TWF1: variants seen among roughly 807,000 people sequenced by gnomAD.
TWF1 encodes twinfilin-1.
Under a neutral mutation model 47.9 loss-of-function variants are expected in TWF1, and 14 were observed. The ratio of observed to expected loss-of-function variants is 0.29; its 90% CI spans 0.19 to 0.46. The LOEUF is 0.46. Among genes scored for constraint, TWF1 ranks in the 20% least tolerant of loss-of-function variants. The pLI is 1.00. For missense variants in TWF1, 281 were observed against 409.3 expected (o/e 0.69, Z 2.70); for synonymous variants, 96 against 139.2 (o/e 0.69, Z 2.18).
intron 2 of TWF1, chr12:43,804,223 T>C (rs970443707): frequency 6.2e-6 from 3 of 481,444 alleles, no homozygotes; most frequent in Non-Finnish European, 1.2e-5. Context: ...ACATTAGAAA[T>C]GGACTGTGGT....
intron 1 of TWF1, chr12:43,805,466 G>C (rs1052208577): frequency 4.5e-6 from 2 of 447,232 alleles, no homozygotes; most frequent in African/African-American, 2.0e-5. Flanking sequence ...ACTAGAACTC[G>C]TTAAGTGATC....
Position 43,802,269 on chromosome 12 carries a change from A to G in TWF1, c.282+17T>C, listed in dbSNP as rs773410681. 2.7e-6 allele frequency: 4 copies of G among 1,491,084 alleles called. No individual in the cohort carries two copies. In the Admixed American group the frequency reaches 1.0e-4, roughly 37 times the overall value. The allele number at this position is 1,491,084 out of a possible 1,614,324, so 92.4% of individuals were successfully genotyped here. A position where few individuals can be genotyped will look rare whatever the true frequency, so the allele number is the denominator to read the frequency against. On this transcript the variant is annotated intron_variant, in intron 3 of 8. Transcript: ENST00000395510. ...TCTAGCATTTAATGTTAAACAAACTATAAAAAAGTTACTTACATGAGAATG... is the reference window on the plus strand; with the variant it reads ...TCTAGCATTTAATGTTAAACAAACTGTAAAAAAGTTACTTACATGAGAATG...
chr12:43,797,700 T>C lies in TWF1; in HGVS notation c.609+8A>G. 6.2e-7 allele frequency: 1 copy of C among 1,610,996 alleles called. No homozygotes were observed. The highest frequency in any genetic ancestry group is 8.5e-7 in the Non-Finnish European group (1 of 1,179,184). The stretch of plus-strand genomic sequence containing the variant: ...GCAGCCACTTAATAATCATTATACA[T>C]CTCTTACCAACTGCACATAGTTGAG... On this transcript the variant is annotated splice_region_variant and intron_variant, in intron 6 of 8. Transcript: ENST00000395510.
chr12:43,801,373 T>C (rs1942658768), intron 3 of TWF1, among the ~76,000 whole-genome samples: 1 of 152,204 alleles, frequency 6.6e-6, no homozygotes, highest in South Asian at 2.1e-4. Context: ...AAACCCAGTA[T>C]TTCTTTCAGA....
chr12:43,805,769 G>T, intron 1 of TWF1: 1 of 1,344,116 alleles, frequency 7.4e-7, no homozygotes, highest in Non-Finnish European at 9.9e-7. Context: ...ATTCTGGCAT[G>T]GTTCTTTTTG....
chr12:43,799,356 A>C (rs753263312), intron 5 of TWF1, 42 bp downstream of exon 5: 2 of 1,316,682 alleles, frequency 1.5e-6, no homozygotes, highest in South Asian at 2.6e-5. Context: ...CAGTATTTTC[A>C]AACACTTAAA....
rs1416161998 is a variant in TWF1, at chr12:43,794,693, T to C, written c.*892A>G. 6.6e-6 allele frequency: 1 copy of C among 151,934 alleles called. No homozygotes were observed. Among genetic ancestry groups the C allele is most frequent in the East Asian group, 1.9e-4 (1 of 5,196 alleles). 9.4% of individuals were successfully genotyped at this position (151,934 alleles called of 1,614,324 possible). ...TTAACTGAGATTATTAAGGTGTTTA[T>C]CTACGTTAGCCTGTTAAGTACCAGG... On this transcript the variant is annotated 3_prime_UTR_variant, in exon 9 of 9. Transcript: ENST00000395510.
In TWF1 at chr12:43,806,214, C is replaced by T. The variant is rs1199562401; in HGVS notation, c.25+7G>A. 6 of 1,540,270 alleles carry T rather than the reference C, an allele frequency of 3.9e-6. No individual in the cohort carries two copies. In the Admixed American group the frequency reaches 9.8e-5, roughly 25 times the overall value. On this transcript the variant is annotated splice_region_variant and intron_variant, in intron 1 of 8. Transcript: ENST00000395510. ...CCTTCCCTGCGAGTCGCGCCGGGCG[C>T]TGTTACCTTGGATGCCGGTCTGGTG...
intron 1 of TWF1, chr12:43,805,670 C>A (rs1175345655): frequency 1.4e-6 from 1 of 700,244 alleles, no homozygotes; most frequent in East Asian, 6.5e-5. Context: ...CGCTTACACT[C>A]GAGATTTCTC....
In TWF1 at chr12:43,802,468, T is replaced by A; in HGVS notation, c.104-4A>T. On this transcript the variant is annotated splice_region_variant and splice_polypyrimidine_tract_variant and intron_variant, in intron 2 of 8. Transcript: ENST00000395510. ...TATGATCCAATCACAAGTTGCTCTA[T>A]GAAAAATTATTTTTAGAAAGATAGG... The A allele has an allele frequency of 6.3e-7, 1 of 1,598,714 alleles. No individual in the cohort carries two copies. The highest frequency in any genetic ancestry group is 1.1e-5 in the South Asian group (1 of 87,928).
rs762647756 is a variant in TWF1, at chr12:43,805,793, G to C, written c.25+428C>G. ...TGGTTCTTTTTGTAATCAAAGTCCT[G>C]TAATATTCTCCTTTGGACCATGAAA... On this transcript the variant is annotated intron_variant, in intron 1 of 8. Transcript: ENST00000395510. The C allele has an allele frequency of 2.2e-6, 3 of 1,358,460 alleles. No homozygotes were observed. The South Asian group carries it at 3.4e-5, about 15-fold the overall frequency. The allele number at this position is 1,358,460 out of a possible 1,614,324, so 84.2% of individuals were successfully genotyped here.
intron 5 of TWF1, 110 bp downstream of exon 5, chr12:43,799,288 T>G (rs1313108948): frequency 1.5e-5 from 10 of 660,800 alleles, no homozygotes; most frequent in Non-Finnish European, 2.2e-5. Context: ...GGAATAAACC[T>G]AAGCTACCTA....
At chr12:43,799,683 G>A (rs780744434) in intron 4 of TWF1, among the ~76,000 whole-genome samples, 181 bp from the exon 5 acceptor site, 1 of 151,770 alleles carries the variant, frequency 6.6e-6, no homozygotes, top group Non-Finnish European at 1.5e-5. Context: ...AACTTTTTAA[G>A]GGGAGTACCC....
chr12:43,798,425 ATAGC>A, intron 5 of TWF1: 1 of 701,336 alleles, frequency 1.4e-6, no homozygotes, highest in Non-Finnish European at 2.2e-6. Flanking sequence ...TTGATAAATG[ATAGC>A]TAGTAGAGAG....
chr12:43,797,165 T>C, intron 7 of TWF1, 68 bp from the exon 8 acceptor site: 3 of 1,494,452 alleles, frequency 2.0e-6, no homozygotes, highest in Non-Finnish European at 2.7e-6. Flanking sequence ...ACTACATATA[T>C]AAACTTCATA....
rs750148003 is a variant in TWF1, at chr12:43,797,732, A to G, written c.585T>C (p.Asn195=). 3.7e-6 allele frequency: 6 copies of G among 1,612,674 alleles called. No individual in the cohort carries two copies. Among genetic ancestry groups the G allele is most frequent in the Non-Finnish European group, 5.1e-6 (6 of 1,179,538 alleles). ...EAFQALEKLN[N]RQLNYVQLEI... ...CCAACTGCACATAGTTGAGCTGTCT[A>G]TTATTCAATTTTTCCAAAGCCTGAA... The change falls in exon 6 of 9, where the codon AAT becomes AAC. Residue 195 remains asparagine (N), a synonymous_variant. Transcript: ENST00000395510.
At chr12:43,803,964 G>A (rs55759317) in intron 2 of TWF1, among the ~76,000 whole-genome samples, 6,661 of 152,144 alleles carry the variant, frequency 0.044, 189 homozygotes, top group Middle Eastern at 0.14. Context: ...CACTCAACCA[G>A]ATTCCCTGTT....
At position 43,806,261 on chromosome 12, in the gene TWF1, C is replaced by T. The variant is rs939953210; in HGVS notation, c.-16G>A. 2 of 1,521,574 alleles carry T rather than the reference C, an allele frequency of 1.3e-6. No individual in the cohort carries two copies. Among genetic ancestry groups the T allele is most frequent in the Admixed American group, 2.0e-5 (1 of 49,364 alleles). 94.3% of individuals were successfully genotyped at this position (1,521,574 alleles called of 1,614,324 possible). A position where few individuals can be genotyped will look rare whatever the true frequency, so the allele number is the denominator to read the frequency against. On this transcript the variant is annotated 5_prime_UTR_variant, in exon 1 of 9. Coordinates refer to ENST00000395510, the MANE Select transcript of TWF1 (RefSeq NM_002822.5). ...GGTGGGACATGGCGGCGGCCGCTAGCTCCCGGCTCCGGCGCTGAGTGCAGC... is the reference window on the plus strand; with the variant it reads ...GGTGGGACATGGCGGCGGCCGCTAGTTCCCGGCTCCGGCGCTGAGTGCAGC...
Position 43,802,466 on chromosome 12 carries a change from T to A in TWF1, c.104-2A>T. On this transcript the variant is annotated splice_acceptor_variant, in intron 2 of 8. Coordinates refer to ENST00000395510, the MANE Select transcript of TWF1 (RefSeq NM_002822.5). LOFTEE classifies it high-confidence loss of function. The stretch of plus-strand genomic sequence containing the variant: ...TATATGATCCAATCACAAGTTGCTC[T>A]ATGAAAAATTATTTTTAGAAAGATA... 1 of 1,598,436 alleles carries A rather than the reference T, an allele frequency of 6.3e-7. No homozygotes were observed. The highest frequency in any genetic ancestry group is 8.5e-7 in the Non-Finnish European group (1 of 1,173,882).
Sources: gnomAD v4.1 joint callset for allele counts (sites outside exome capture counted in the v4.1 genomes callset) on GRCh38, gnomAD v4.1.1 for gene constraint, MANE v1.5 for transcripts, NCBI Gene and HGNC (gene_info 2026-07-23, HGNC 2026-07-21) for gene names.